Variants in APOL5 observed in about 807,000 individuals in gnomAD.
APOL5 encodes apolipoprotein L, 5.
APOL5 carries 29 observed loss-of-function variants against 35.5 expected under a neutral mutation model. The observed-to-expected ratio is 0.82, with a 90% CI of 0.61 to 1.11. APOL5 has a LOEUF of 1.11. Among genes scored for constraint, APOL5 ranks in the 50% most tolerant of loss-of-function variants. APOL5 has a pLI of 0.00. For synonymous variants in APOL5, 188 were observed against 200.2 expected (o/e 0.94, Z 0.51); for missense variants, 514 against 530.4 (o/e 0.97, Z 0.30).
At chr22:35,727,429 C>T (rs534663664) in intron 3 of APOL5, among the ~76,000 whole-genome samples, 2 of 152,218 alleles carry the variant, frequency 1.3e-5, no homozygotes, top group South Asian at 4.1e-4. Context: ...TCTTGAAATC[C>T]CATATTTGTG....
chr22:35,713,279 T>C (rs1926642811), upstream of APOL5, among the ~76,000 whole-genome samples: 1 of 152,236 alleles, frequency 6.6e-6, no homozygotes, highest in Admixed American at 6.5e-5. Flanking sequence ...AAATTGAGAA[T>C]GTGATCCATT....
chr22:35,727,871 T>C (rs545735750), intron 3 of APOL5, among the ~76,000 whole-genome samples: 1 of 152,296 alleles, frequency 6.6e-6, no homozygotes, highest in African/African-American at 2.4e-5. Context: ...TTCCTAGATA[T>C]AAAAACTGAA....
chr22:35,715,193 C>A (rs1187225971), upstream of APOL5, among the ~76,000 whole-genome samples: 2 of 152,170 alleles, frequency 1.3e-5, no homozygotes, highest in Admixed American at 1.3e-4. Context: ...GTGGTTCTCC[C>A]ACTCCCGCTA....
upstream of APOL5, among the ~76,000 whole-genome samples, chr22:35,717,408 G>GA (rs71191390): frequency 8.6e-5 from 12 of 139,360 alleles, no homozygotes; most frequent in South Asian, 2.3e-4. Context: ...CCAAATGAAA[G>GA]AAAAAAAAAA....
Position 35,726,587 on chromosome 22 carries a change from G to C in APOL5, c.519G>C (p.Gly173=). The C allele has an allele frequency of 6.2e-7, 1 of 1,614,166 alleles. No individual in the cohort carries two copies. The highest frequency in any genetic ancestry group is 8.5e-7 in the Non-Finnish European group (1 of 1,180,024). The change falls in exon 3 of 5, where the codon GGG becomes GGC. Residue 173 remains glycine (G), a synonymous_variant. Coordinates refer to ENST00000249044, the MANE Select transcript of APOL5 (RefSeq NM_030642.1). ...GCAGTCTCATGCTCTCAGCAACTGGGACAGGGTTGGGGGCAGCAGCTGCCA... is the reference window on the plus strand; with the variant it reads ...GCAGTCTCATGCTCTCAGCAACTGGCACAGGGTTGGGGGCAGCAGCTGCCA... ...AGGSLMLSAT[G]TGLGAAAAIT...
intron 4 of APOL5, 30 bp downstream of exon 4, chr22:35,728,934 G>A: frequency 6.4e-7 from 1 of 1,550,850 alleles, no homozygotes; most frequent in Non-Finnish European, 8.7e-7. Context: ...GCCAGGAGCT[G>A]TGGGAACCCC....
Position 35,727,131 on chromosome 22 carries a change from A to G in APOL5, c.1063A>G (p.Ser355Gly), listed in dbSNP as rs199950145. ...QHHRHLPQKA[S>G]QTCSSSRGRA... ...CCACCGGCACCTGCCGCAGAAGGCG[A>G]GCCAGACCTGTTCCAGCTCCCGGGG... Residue 355 changes from serine (S) to glycine (G), a missense_variant, in exon 3 of 5, where the codon AGC (serine) becomes GGC (glycine). This residue lies in a region of APOL5 where 238 missense variants were observed against 229.1 expected (regional missense o/e 1.04). Coordinates refer to ENST00000249044, the MANE Select transcript of APOL5 (RefSeq NM_030642.1). The G allele has an allele frequency of 1.2e-6, 2 of 1,610,312 alleles. No individual in the cohort carries two copies. The highest frequency in any genetic ancestry group is 2.7e-5 in the African/African-American group (2 of 75,026).
At chr22:35,719,625 G>T (rs1420674153) in intron 1 of APOL5, among the ~76,000 whole-genome samples, 1 of 152,212 alleles carries the variant, frequency 6.6e-6, no homozygotes, top group South Asian at 2.1e-4. Context: ...AGTATAAAAC[G>T]GGGTGTGGCT....
intron 2 of APOL5, among the ~76,000 whole-genome samples, chr22:35,725,314 G>A (rs950958351): frequency 2.6e-5 from 4 of 152,030 alleles, no homozygotes; most frequent in South Asian, 2.1e-4. Context: ...CACCCAGGCC[G>A]GAGTGCAGTG....
chr22:35,720,903 G>A lies in APOL5; in HGVS notation c.142+249G>A, dbSNP rs375308767. 2.6e-3 allele frequency among the ~76,000 whole-genome samples: 392 copies of A among 152,096 alleles called. 6 individuals carry two copies. In the South Asian group the frequency reaches 0.049, roughly 19 times the overall value. On this transcript the variant is annotated intron_variant, in intron 2 of 4. Coordinates refer to ENST00000249044, the MANE Select transcript of APOL5 (RefSeq NM_030642.1). ...TGGGATTACAGGCGCCCGCCACCAC[G>A]CCCGGCTAATTTTTATATTTTTTGT...
At position 35,717,916 on chromosome 22, in the gene APOL5, G is replaced by A. The variant is rs750913785; in HGVS notation, c.45G>A (p.Lys15=). ...KQGNLQVPGS[K]VLPGLGEGCK... ...GAAATTTGCAAGTTCCCGGTTCCAAGGTGTTACCTGGTAAGTTCTTTTAAG... is the reference window on the plus strand; with the variant it reads ...GAAATTTGCAAGTTCCCGGTTCCAAAGTGTTACCTGGTAAGTTCTTTTAAG... Residue 15 remains lysine, a synonymous_variant, in exon 1 of 5, where the codon AAG becomes AAA. Transcript: ENST00000249044. The A allele has an allele frequency of 4.4e-6, 7 of 1,589,174 alleles. No homozygotes were observed. In the African/African-American group the frequency reaches 8.1e-5, roughly 18 times the overall value.
chr22:35,717,222 C>CAAAAA (rs71322978), upstream of APOL5, among the ~76,000 whole-genome samples: 16 of 66,884 alleles, frequency 2.4e-4, 1 homozygote, highest in African/African-American at 1.1e-3. Flanking sequence ...TCCATCTCTA[C>CAAAAA]AAAAAAAAAA....
chr22:35,720,791 G>A, intron 2 of APOL5, 137 bp downstream of exon 2: 1 of 637,812 alleles, frequency 1.6e-6, no homozygotes, highest in South Asian at 2.1e-5. Flanking sequence ...TGTTGCCCAG[G>A]TTGGAGTGCA....
intron 1 of APOL5, 149 bp downstream of exon 1, chr22:35,718,075 A>G: frequency 2.0e-6 from 1 of 502,834 alleles, no homozygotes. Flanking sequence ...TTAATGAGGG[A>G]GATATCATGA....
chr22:35,727,983 C>T lies in APOL5; in HGVS notation c.1127-740C>T, dbSNP rs1927229691. On this transcript the variant is annotated intron_variant, in intron 3 of 4. Transcript: ENST00000249044. ...CAACCTGAAACCCGGGAAAAGGACA[C>T]ATAAGTGTTTGCCGAAGATGTGAAG... is the stretch of plus-strand genomic sequence containing the variant. 2.6e-5 allele frequency among the ~76,000 whole-genome samples: 4 copies of T among 152,352 alleles called. No homozygotes were observed. In the East Asian group the frequency reaches 5.8e-4, roughly 22 times the overall value.
chr22:35,722,997 GTCTTTTC>G (rs1282726969), intron 2 of APOL5, among the ~76,000 whole-genome samples: 14 of 152,286 alleles, frequency 9.2e-5, no homozygotes, highest in African/African-American at 3.4e-4. Context: ...CCCTGATGAA[GTCTTTTC>G]TTAAAAGAGT....
At chr22:35,708,625 G>A in the APOL5 span, among the ~76,000 whole-genome samples, 2 of 152,136 alleles carry the variant, frequency 1.3e-5, no homozygotes, top group African/African-American at 4.8e-5. Context: ...AAGGGGGGAA[G>A]GGGCAGAGCC....
At chr22:35,712,565 C>A in the APOL5 span, among the ~76,000 whole-genome samples, 1 of 152,118 alleles carries the variant, frequency 6.6e-6, no homozygotes, top group Admixed American at 6.5e-5. Context: ...AGGTGTTGGG[C>A]ATCTTTTCAC....
At chr22:35,722,727 A>T (rs1195659277) in intron 2 of APOL5, among the ~76,000 whole-genome samples, 1 of 152,100 alleles carries the variant, frequency 6.6e-6, no homozygotes, top group Non-Finnish European at 1.5e-5. Context: ...GTGGCAGAAT[A>T]CTATTTATCT....
Sources: allele counts gnomAD v4.1 joint callset (sites outside exome capture counted in the v4.1 genomes callset), GRCh38; gene constraint gnomAD v4.1.1; regional missense constraint gnomAD v4.1.1; transcripts MANE v1.5; gene names NCBI Gene and HGNC (gene_info 2026-07-23, HGNC 2026-07-21).